The following CMIP variants were observed in gnomAD, a reference collection of about 807,000 sequenced individuals.
CMIP encodes C-Maf-inducing protein.
In CMIP, 13 loss-of-function variants were observed where a neutral mutation model predicts 97.3. The ratio of observed to expected loss-of-function variants is 0.13; its 90% CI spans 0.09 to 0.21. The LOEUF (loss-of-function observed/expected upper bound fraction) is 0.21, where lower values mean the gene tolerates loss of function less well. CMIP is among the 10% of genes least tolerant of loss of function. CMIP has a pLI of 1.00. For missense variants in CMIP, 847 were observed against 1,024.9 expected (o/e 0.83, Z 2.37); for synonymous variants, 538 against 436.3 (o/e 1.23, Z -2.91).
In CMIP at chr16:81,524,135, A is replaced by G. The variant is rs111607038; in HGVS notation, c.300+78594A>G. Among the ~76,000 whole-genome samples the G allele has an allele frequency of 7.9e-3, 1,209 of 152,310 alleles. 10 individuals carry two copies. Among genetic ancestry groups the G allele is most frequent in the African/African-American group, 0.027 (1,132 of 41,554 alleles). On this transcript the variant is annotated intron_variant, in intron 1 of 20. Transcript: ENST00000537098. ...TGTGAGGTGCTAGGCTTGTCACAGCATCTATTAGGAGACCTGAAAGACAGG... is the reference window on the plus strand; with the variant it reads ...TGTGAGGTGCTAGGCTTGTCACAGCGTCTATTAGGAGACCTGAAAGACAGG...
chr16:81,531,806 G>A (rs976228159), intron 1 of CMIP, among the ~76,000 whole-genome samples: 1 of 152,242 alleles, frequency 6.6e-6, no homozygotes. Flanking sequence ...GGGGGAAACA[G>A]AAGATGATTG....
chr16:81,533,458 T>C (rs762960398), intron 1 of CMIP, among the ~76,000 whole-genome samples: 2 of 152,194 alleles, frequency 1.3e-5, no homozygotes, highest in African/African-American at 2.4e-5. Context: ...TTATTGTCAT[T>C]ATGTGCTTTA....
intron 1 of CMIP, among the ~76,000 whole-genome samples, chr16:81,467,886 T>C (rs1053665253): frequency 4.1e-5 from 6 of 147,996 alleles, no homozygotes; most frequent in African/African-American, 1.2e-4. Flanking sequence ...TGGCCTTCTT[T>C]TTTTTTTTTT....
intron 1 of CMIP, among the ~76,000 whole-genome samples, chr16:81,562,196 T>C (rs1200261339): frequency 1.3e-5 from 2 of 152,164 alleles, no homozygotes; most frequent in African/African-American, 4.8e-5. Flanking sequence ...TGAGCTGTGG[T>C]CTGTGCCAAG....
At chr16:81,470,722 T>A (rs1438290603) in intron 1 of CMIP, among the ~76,000 whole-genome samples, 1 of 152,250 alleles carries the variant, frequency 6.6e-6, no homozygotes, top group Non-Finnish European at 1.5e-5. Context: ...TCTCCCATAC[T>A]GCTGGGATTA....
At chr16:81,615,155 CATGTGTGTGT>C (rs2091894848) in intron 2 of CMIP, among the ~76,000 whole-genome samples, 2 of 79,370 alleles carry the variant, frequency 2.5e-5, no homozygotes, top group Admixed American at 3.4e-4. Context: ...GATGTGTGTG[CATGTGTGTGT>C]GGTGTATGTG....
rs185947428 is a variant in CMIP, at chr16:81,490,335, A to G, written c.300+44794A>G. Among the ~76,000 whole-genome samples the G allele has an allele frequency of 3.9e-5, 6 of 152,346 alleles. No individual in the cohort carries two copies. In the East Asian group the frequency reaches 1.2e-3, roughly 29 times the overall value. On this transcript the variant is annotated intron_variant, in intron 1 of 20. Transcript: ENST00000537098. Reference sequence around the variant, plus strand: ...ACAAACCAGCATACAAATGCTTAGCATGGATCGGGCGTGGTGGCTCATGCC... The same window carrying G: ...ACAAACCAGCATACAAATGCTTAGCGTGGATCGGGCGTGGTGGCTCATGCC...
In CMIP at chr16:81,681,418, AGTT is replaced by A. The variant is rs565865653; in HGVS notation, c.1388+2793_1388+2795del. 2.0e-3 allele frequency among the ~76,000 whole-genome samples: 309 copies of A among 152,280 alleles called. 1 individual carries two copies. The highest frequency in any genetic ancestry group is 3.4e-3 in the Middle Eastern group (1 of 294). ...TCAAGTCTCACCCGTGCCACATACTAGTTGTGACCTTGGACGGTTGGTCATCCT... is the reference window on the plus strand; with the variant it reads ...TCAAGTCTCACCCGTGCCACATACTAGTGACCTTGGACGGTTGGTCATCCT... On this transcript the variant is annotated intron_variant, in intron 10 of 20. Coordinates refer to ENST00000537098, the MANE Select transcript of CMIP (RefSeq NM_198390.3).
chr16:81,708,335 A>C (rs1908382477), intron 20 of CMIP, among the ~76,000 whole-genome samples: 1 of 152,238 alleles, frequency 6.6e-6, no homozygotes, highest in Non-Finnish European at 1.5e-5. Context: ...TGCAGGATCC[A>C]GGCCACCCCA....
At chr16:81,603,172 C>T (rs1043634433) in intron 1 of CMIP, among the ~76,000 whole-genome samples, 2 of 152,260 alleles carry the variant, frequency 1.3e-5, no homozygotes, top group South Asian at 2.1e-4. Flanking sequence ...CTTCACCTCC[C>T]GGGTTCACGC....
intron 1 of CMIP, among the ~76,000 whole-genome samples, chr16:81,468,411 C>T (rs1037867341): frequency 4.6e-5 from 7 of 152,250 alleles, no homozygotes; most frequent in Non-Finnish European, 8.8e-5. Flanking sequence ...CCTCTCCTTG[C>T]GGGTAAATTG....
intron 5 of CMIP, among the ~76,000 whole-genome samples, chr16:81,660,107 C>G (rs1156583432): frequency 6.6e-6 from 1 of 152,112 alleles, no homozygotes; most frequent in Non-Finnish European, 1.5e-5. Context: ...CAAACCCCAG[C>G]TGTGGTCCGG....
At chr16:81,599,054 A>G (rs2091613679) in intron 1 of CMIP, among the ~76,000 whole-genome samples, 1 of 151,990 alleles carries the variant, frequency 6.6e-6, no homozygotes, top group Non-Finnish European at 1.5e-5. Flanking sequence ...AGCAAAAAGA[A>G]CTGGTCAGTC....
chr16:81,692,362 C>T (rs752233251), intron 11 of CMIP, among the ~76,000 whole-genome samples: 5 of 152,174 alleles, frequency 3.3e-5, no homozygotes, highest in Admixed American at 1.3e-4. Flanking sequence ...TCTCTCTTGC[C>T]GGCCCCTAGC....
chr16:81,479,061 C>T (rs1292673737), intron 1 of CMIP, among the ~76,000 whole-genome samples: 1 of 152,212 alleles, frequency 6.6e-6, no homozygotes, highest in African/African-American at 2.4e-5. Flanking sequence ...TGAAAGTGTG[C>T]ACCAGCTCTT....
chr16:81,694,846 C>G (rs1265148591), intron 13 of CMIP, among the ~76,000 whole-genome samples: 2 of 152,220 alleles, frequency 1.3e-5, no homozygotes, highest in Non-Finnish European at 2.9e-5. Flanking sequence ...ACCGATTTCC[C>G]TAAGTGTTCC....
intron 1 of CMIP, among the ~76,000 whole-genome samples, chr16:81,603,026 C>G (rs904649275): frequency 3.9e-5 from 6 of 152,328 alleles, no homozygotes; most frequent in Admixed American, 3.3e-4. Context: ...CCCCTGCAAG[C>G]CTCCCGTGTT....
chr16:81,701,941 A>G, intron 16 of CMIP, 141 bp downstream of exon 16: 1 of 946,714 alleles, frequency 1.1e-6, no homozygotes. Context: ...AATTGGTATT[A>G]CCACCTGCCA....
intron 6 of CMIP, among the ~76,000 whole-genome samples, chr16:81,661,212 T>C (rs1369736753): frequency 6.6e-6 from 1 of 152,258 alleles, no homozygotes; most frequent in African/African-American, 2.4e-5. Flanking sequence ...GACAGGTTGC[T>C]GCAGATTTCC....
Sources: allele counts gnomAD v4.1 joint callset (sites outside exome capture counted in the v4.1 genomes callset), GRCh38; gene constraint gnomAD v4.1.1; transcripts MANE v1.5; gene names NCBI Gene and HGNC (gene_info 2026-07-23, HGNC 2026-07-21).